Variants in MTUS1 observed in about 807,000 individuals in gnomAD.
MTUS1 encodes the protein microtubule-associated tumor suppressor 1.
Under a neutral mutation model 120.8 loss-of-function variants are expected in MTUS1, and 109 were observed. That is an observed-to-expected ratio of 0.90 (90% CI 0.77 to 1.06). The LOEUF (loss-of-function observed/expected upper bound fraction) is 1.06, where lower values mean the gene tolerates loss of function less well. Among genes scored for constraint, MTUS1 ranks in the 50% least tolerant of loss-of-function variants. The pLI is 0.00. For missense variants in MTUS1, 2,210 were observed against 1,486.3 expected (o/e 1.49, Z -8.01); for synonymous variants, 737 against 550.5 (o/e 1.34, Z -4.74).
intron 1 of MTUS1, among the ~76,000 whole-genome samples, chr8:17,782,013 C>T (rs2131528644): frequency 6.6e-6 from 1 of 152,336 alleles, no homozygotes; most frequent in South Asian, 2.1e-4. Context: ...CCTGATGGCC[C>T]TCGGTTGGCC....
At chr8:17,658,194 G>A (rs756178544) in intron 8 of MTUS1, among the ~76,000 whole-genome samples, 2 of 152,064 alleles carry the variant, frequency 1.3e-5, no homozygotes, top group Non-Finnish European at 1.5e-5. Context: ...ATGCCACCAC[G>A]ACCAGCTAAT....
chr8:17,684,258 T>G (rs1223976661), intron 7 of MTUS1, 70 bp downstream of exon 7: 1 of 1,084,692 alleles, frequency 9.2e-7, no homozygotes, highest in Non-Finnish European at 1.4e-6. Context: ...AAGGCCAGCG[T>G]GTGAGCAAGT....
intron 1 of MTUS1, among the ~76,000 whole-genome samples, chr8:17,799,997 C>T (rs546949739): frequency 2.6e-5 from 4 of 152,010 alleles, no homozygotes; most frequent in Non-Finnish European, 4.4e-5. Flanking sequence ...ACTAACAGGA[C>T]ATCACCATTT....
intron 8 of MTUS1, among the ~76,000 whole-genome samples, chr8:17,672,793 C>A (rs929649780): frequency 6.6e-6 from 1 of 152,204 alleles, no homozygotes. Context: ...TGCACCAGGA[C>A]AGCTTCCTTA....
At chr8:17,719,015 C>A (rs1047455270) in intron 4 of MTUS1, among the ~76,000 whole-genome samples, 1 of 151,926 alleles carries the variant, frequency 6.6e-6, no homozygotes, top group African/African-American at 2.4e-5. Flanking sequence ...ACTGAAAATA[C>A]AAATATTAGC....
intron 3 of MTUS1, among the ~76,000 whole-genome samples, chr8:17,736,133 C>T (rs1056848984): frequency 3.9e-5 from 6 of 152,216 alleles, no homozygotes; most frequent in African/African-American, 1.4e-4. Flanking sequence ...CAAGCCTGCA[C>T]TGTGACATAT....
rs77079589 is a variant in MTUS1 at position 17,746,385 on chromosome 8, G to A, written c.2092-2586C>T. Among the ~76,000 whole-genome samples the A allele has an allele frequency of 7.0e-3, 1,064 of 152,232 alleles. 4 individuals are homozygous for A. The highest frequency in any genetic ancestry group is 0.012 in the Non-Finnish European group (822 of 68,012). On this transcript the variant is annotated intron_variant, in intron 2 of 14. Coordinates refer to ENST00000693296, the MANE Select transcript of MTUS1 (RefSeq NM_001363059.2). Reference sequence around the variant, plus strand: ...AGTCCATTTTCACAACGCTGATAAAGTCACACCTGAGACTGGGTAATTTAT... The same window carrying A: ...AGTCCATTTTCACAACGCTGATAAAATCACACCTGAGACTGGGTAATTTAT...
chr8:17,645,939 A>T lies in MTUS1; in HGVS notation c.3800T>A (p.Ile1267Asn). 6.2e-7 allele frequency: 1 copy of T among 1,611,794 alleles called. No homozygotes were observed. Among genetic ancestry groups the T allele is most frequent in the Admixed American group, 1.7e-5 (1 of 59,884 alleles). Residue 1267 changes from isoleucine (I) to asparagine (N), a missense_variant, in exon 15 of 15, where the codon ATT becomes AAT. Transcript: ENST00000693296. ...TTTGGGGAGGTGTCATCTGGGTGAAATGCTGGGGCTAGGGAAGGAGCCCGA... is the reference window on the plus strand; with the variant it reads ...TTTGGGGAGGTGTCATCTGGGTGAATTGCTGGGGCTAGGGAAGGAGCCCGA... ...RNSGSFPSPSISPR is the reference protein window; with the variant it reads ...RNSGSFPSPSNSPR
chr8:17,653,446 A>G lies in MTUS1; in HGVS notation c.3267T>C (p.Ser1089=). 6.2e-7 allele frequency: 1 copy of G among 1,611,804 alleles called. No individual in the cohort carries two copies. The highest frequency in any genetic ancestry group is 8.5e-7 in the Non-Finnish European group (1 of 1,179,090). The change falls in exon 11 of 15, where the codon TCT becomes TCC. Residue 1089 remains serine, a synonymous_variant. Transcript: ENST00000693296. The part of the protein sequence containing the change: ...IEKKSLEDLL[S]EKQESLEKQI... ...CCACCTCTAGCGATTCCTGCTTCTC[A>G]GAAAGTAAATCTTCAAGCGATTTCT...
Position 17,764,377 on chromosome 8 carries a change from C to T in MTUS1, c.-154-8416G>A, listed in dbSNP as rs569970450. Among the ~76,000 whole-genome samples, 150 of 142,442 alleles carry T rather than the reference C, an allele frequency of 1.1e-3. 1 individual carries two copies. Among genetic ancestry groups the T allele is most frequent in the African/African-American group, 3.7e-3 (142 of 38,282 alleles). The allele number at this position is 142,442 out of a possible 152,430, so 93.4% of individuals were successfully genotyped here. A position where few individuals can be genotyped will look rare whatever the true frequency, so the allele number is the denominator to read the frequency against. On this transcript the variant is annotated intron_variant, in intron 1 of 14. Coordinates refer to ENST00000693296, the MANE Select transcript of MTUS1 (RefSeq NM_001363059.2). Reference sequence around the variant, plus strand: ...AGGGAAAAATGGTAATTTCTATGCACTTGCATTTTTATGAAAGAAAACTGC... The same window carrying T: ...AGGGAAAAATGGTAATTTCTATGCATTTGCATTTTTATGAAAGAAAACTGC...
chr8:17,736,003 C>A (rs574500231), intron 3 of MTUS1, among the ~76,000 whole-genome samples: 1 of 152,228 alleles, frequency 6.6e-6, no homozygotes, highest in Non-Finnish European at 1.5e-5. Flanking sequence ...CTTATCCCCT[C>A]ACCCTCCAAC....
chr8:17,681,833 G>A (rs1489022645), intron 7 of MTUS1, among the ~76,000 whole-genome samples: 1 of 147,586 alleles, frequency 6.8e-6, no homozygotes, highest in East Asian at 2.0e-4. Flanking sequence ...AAATTTCCTA[G>A]TAGCCACGCT....
chr8:17,733,997 A>G (rs895058334), intron 3 of MTUS1, among the ~76,000 whole-genome samples: 1 of 152,236 alleles, frequency 6.6e-6, no homozygotes, highest in Non-Finnish European at 1.5e-5. Flanking sequence ...TATATTACAG[A>G]AAGAAAACCA....
At chr8:17,697,841 T>C (rs952932820) in intron 6 of MTUS1, 7 of 523,526 alleles carry the variant, frequency 1.3e-5, no homozygotes, top group South Asian at 8.2e-5. Flanking sequence ...CTTTCATAAT[T>C]AGAAAAAAAT....
In MTUS1 at chr8:17,796,109, C is replaced by T. The variant is rs543938352; in HGVS notation, c.-155+4952G>A. Among the ~76,000 whole-genome samples the T allele has an allele frequency of 1.1e-3, 171 of 151,934 alleles. 1 individual carries two copies. The highest frequency in any genetic ancestry group is 3.9e-3 in the African/African-American group (163 of 41,386). On this transcript the variant is annotated intron_variant, in intron 1 of 14. Transcript: ENST00000693296. ...GGATTACAGGCGCCCACCACCACAC[C>T]CAGCTAATTTTTTGTATTTTTAGTA...
At chr8:17,746,200 G>A (rs1236524401) in intron 2 of MTUS1, among the ~76,000 whole-genome samples, 2 of 152,094 alleles carry the variant, frequency 1.3e-5, no homozygotes, top group Non-Finnish European at 2.9e-5. Context: ...TCCTCACCAT[G>A]TACTCTTCCT....
At chr8:17,679,029 AATGTCTGATATGTAATGAAAT>A (rs1417743304) in intron 7 of MTUS1, among the ~76,000 whole-genome samples, 2 of 152,192 alleles carry the variant, frequency 1.3e-5, no homozygotes, top group African/African-American at 4.8e-5. Context: ...GAGATATAAG[AATGTCTGATATGTAATGAAAT>A]ATGTCTGCCA....
At chr8:17,651,962 T>G (rs2130139865) in intron 12 of MTUS1, among the ~76,000 whole-genome samples, 1 of 152,342 alleles carries the variant, frequency 6.6e-6, no homozygotes, top group South Asian at 2.1e-4. Context: ...GCTTTGAAGT[T>G]TCTTTGAATA....
chr8:17,711,622 T>C (rs965660118), intron 6 of MTUS1, among the ~76,000 whole-genome samples: 5 of 152,224 alleles, frequency 3.3e-5, no homozygotes, highest in African/African-American at 1.2e-4. Flanking sequence ...TGCTTTCTTA[T>C]TTGAGTGTTC....
Sources: gnomAD v4.1 joint callset for allele counts (sites outside exome capture counted in the v4.1 genomes callset) on GRCh38, gnomAD v4.1.1 for gene constraint, MANE v1.5 for transcripts, NCBI Gene and HGNC (gene_info 2026-07-23, HGNC 2026-07-21) for gene names.